Variants in RBL1 observed in about 807,000 individuals in gnomAD.
RBL1 encodes the protein RB transcriptional corepressor like 1, also known as retinoblastoma-like protein 1.
A neutral mutation model predicts 123.0 loss-of-function variants in RBL1; 82 were observed. The observed-to-expected ratio is 0.67, with a 90% CI of 0.56 to 0.80. The LOEUF is 0.80. RBL1 is among the 30% of genes least tolerant of loss of function. RBL1 has a pLI of 0.00. For synonymous variants in RBL1, 405 were observed against 441.3 expected (o/e 0.92, Z 1.03); for missense variants, 1,171 against 1,299.6 (o/e 0.90, Z 1.52).
chr20:37,092,292 A>G (rs970569963), intron 1 of RBL1, among the ~76,000 whole-genome samples: 7 of 152,152 alleles, frequency 4.6e-5, no homozygotes, highest in Non-Finnish European at 1.5e-5. Context: ...TATAAGTCCT[A>G]AAATTATTGT....
chr20:37,000,615 G>A (rs1190355914), intron 21 of RBL1, among the ~76,000 whole-genome samples: 50 of 142,772 alleles, frequency 3.5e-4, no homozygotes, highest in Admixed American at 1.2e-3. Context: ...CCCCGGGCCC[G>A]GCCAGCCGCC....
In RBL1 at chr20:37,045,938, G is replaced by GT. The variant is rs141423830; in HGVS notation, c.1605+1114dup. 4.0e-3 allele frequency among the ~76,000 whole-genome samples: 613 copies of GT among 152,266 alleles called. 6 individuals carry two copies. The highest frequency in any genetic ancestry group is 0.013 in the African/African-American group (523 of 41,568). On this transcript the variant is annotated intron_variant, in intron 12 of 21. Coordinates refer to ENST00000373664, the MANE Select transcript of RBL1 (RefSeq NM_002895.5). ...TATTAACTAAATCATGCCAAGAAGC[G>GT]TAACAGTAGCATTAGTCTTAAAGTT...
At chr20:37,039,846 C>T (rs1467710672) in intron 14 of RBL1, among the ~76,000 whole-genome samples, 9 of 152,036 alleles carry the variant, frequency 5.9e-5, no homozygotes, top group Admixed American at 5.9e-4. Context: ...GCTAGGACTA[C>T]AGAAAGATGC....
Position 37,061,135 on chromosome 20 carries a change from AT to A in RBL1, c.1217del (p.Asn406MetfsTer8). On this transcript the variant is annotated frameshift_variant, in exon 9 of 22. Coordinates refer to ENST00000373664, the MANE Select transcript of RBL1 (RefSeq NM_002895.5). LOFTEE classifies it high-confidence loss of function. ...TATTTATAAGTTGGTCACTTGGTGC[AT>A]TTTTCAGACCAGCCACAATACTCTG... ...RLQSIVAGLK[N>X]APSDQLINIF... 1.2e-6 allele frequency: 2 copies of A among 1,610,214 alleles called. No homozygotes were observed. Among genetic ancestry groups the A allele is most frequent in the Non-Finnish European group, 1.7e-6 (2 of 1,177,780 alleles).
chr20:37,000,370 G>A (rs1029269905), intron 21 of RBL1, among the ~76,000 whole-genome samples: 1 of 147,006 alleles, frequency 6.8e-6, no homozygotes, highest in African/African-American at 2.5e-5. Context: ...AGGGAGGTGG[G>A]GGGGTTAGCC....
At chr20:37,002,336 G>GTTTTTTTTTTTTTTTTTTT (rs965408801) in intron 21 of RBL1, among the ~76,000 whole-genome samples, 3 of 76,350 alleles carry the variant, frequency 3.9e-5, no homozygotes, top group Non-Finnish European at 7.6e-5. Context: ...AGCCTTATCT[G>GTTTTTTTTTTTTTTTTTTT]TTTTTTTTTT....
chr20:37,071,940 G>A (rs541944675), intron 2 of RBL1, among the ~76,000 whole-genome samples: 1 of 152,256 alleles, frequency 6.6e-6, no homozygotes, highest in Admixed American at 6.5e-5. Flanking sequence ...ACGGCCTGCA[G>A]AACCCTGGGC....
chr20:37,017,621 TGTG>T (rs1425684947), intron 19 of RBL1, among the ~76,000 whole-genome samples: 2 of 8,248 alleles, frequency 2.4e-4, no homozygotes, highest in Non-Finnish European at 6.4e-4. Context: ...GACATTTTCT[TGTG>T]TGTGTGTGTG....
intron 16 of RBL1, among the ~76,000 whole-genome samples, chr20:37,024,009 T>G (rs2064384473): frequency 6.6e-6 from 1 of 151,860 alleles, no homozygotes; most frequent in Non-Finnish European, 1.5e-5. Context: ...GGTCTCGAAC[T>G]CCTGAGCTCA....
intron 14 of RBL1, among the ~76,000 whole-genome samples, chr20:37,039,780 C>T (rs569060498): frequency 3.3e-5 from 5 of 152,080 alleles, no homozygotes; most frequent in South Asian, 2.1e-4. Flanking sequence ...CTCACTATTT[C>T]GCCCAGGCTG....
chr20:37,013,241 C>G (rs1258475339), intron 19 of RBL1, among the ~76,000 whole-genome samples: 1 of 152,052 alleles, frequency 6.6e-6, no homozygotes, highest in Non-Finnish European at 1.5e-5. Flanking sequence ...TTGTTCTGTA[C>G]TAAGAAAAAT....
chr20:37,095,612 T>C (rs1174865812), intron 1 of RBL1, among the ~76,000 whole-genome samples, 161 bp downstream of exon 1: 1 of 152,112 alleles, frequency 6.6e-6, no homozygotes, highest in Non-Finnish European at 1.5e-5. Context: ...GATGGGTGGA[T>C]TGGCTGAGCT....
intron 2 of RBL1, among the ~76,000 whole-genome samples, chr20:37,072,497 C>T (rs192991379): frequency 8.7e-4 from 132 of 151,680 alleles, no homozygotes; most frequent in African/African-American, 2.9e-3. Context: ...AGCGAAACTC[C>T]GTCTTAAAAA....
intron 2 of RBL1, among the ~76,000 whole-genome samples, chr20:37,088,467 T>C (rs961600415): frequency 2.6e-5 from 4 of 152,094 alleles, no homozygotes; most frequent in Non-Finnish European, 5.9e-5. Flanking sequence ...TTAAAAAGTA[T>C]AGCTAAAGAT....
chr20:37,038,195 T>C (rs1385360204), intron 14 of RBL1, among the ~76,000 whole-genome samples: 2 of 151,594 alleles, frequency 1.3e-5, no homozygotes, highest in East Asian at 1.9e-4. Flanking sequence ...TTTCACCATG[T>C]TGGCCAGGCT....
rs116022850 is a variant in RBL1, at chr20:37,046,164, T to C, written c.1605+889A>G. Reference sequence around the variant, plus strand: ...CTTGGGGAAGAAGCATAATCTATTATTACGGCTTTATTAGTTAGACCACCA... The same window carrying C: ...CTTGGGGAAGAAGCATAATCTATTACTACGGCTTTATTAGTTAGACCACCA... On this transcript the variant is annotated intron_variant, in intron 12 of 21. Coordinates refer to ENST00000373664, the MANE Select transcript of RBL1 (RefSeq NM_002895.5). 5.7e-3 allele frequency among the ~76,000 whole-genome samples: 874 copies of C among 152,348 alleles called. 9 individuals are homozygous for C. Among genetic ancestry groups the C allele is most frequent in the African/African-American group, 0.02 (835 of 41,576 alleles).
intron 7 of RBL1, among the ~76,000 whole-genome samples, chr20:37,062,833 T>C (rs2065117502): frequency 6.6e-6 from 1 of 151,870 alleles, no homozygotes; most frequent in Non-Finnish European, 1.5e-5. Flanking sequence ...CGGGCGCCTG[T>C]AGTCCCAGCT....
intron 16 of RBL1, among the ~76,000 whole-genome samples, chr20:37,030,359 G>A (rs574962317): frequency 5.3e-5 from 8 of 152,268 alleles, no homozygotes; most frequent in East Asian, 1.9e-4. Context: ...TCAACAAATC[G>A]TGCTGGGAAA....
At chr20:37,056,632 C>A (rs535713960) in intron 9 of RBL1, among the ~76,000 whole-genome samples, 71 of 152,204 alleles carry the variant, frequency 4.7e-4, no homozygotes, top group East Asian at 1.9e-4. Flanking sequence ...GGATTACAGG[C>A]ATGAGCCACC....
Sources: allele counts gnomAD v4.1 joint callset (sites outside exome capture counted in the v4.1 genomes callset), GRCh38; gene constraint gnomAD v4.1.1; transcripts MANE v1.5; gene names NCBI Gene and HGNC (gene_info 2026-07-23, HGNC 2026-07-21).